The following DRD2 variants were observed in gnomAD, a reference collection of about 807,000 sequenced individuals.
DRD2 encodes the protein D(2) dopamine receptor.
Under a neutral mutation model 38.0 loss-of-function variants are expected in DRD2, and 8 were observed. The observed-to-expected ratio is 0.21, with a 90% CI of 0.12 to 0.38. The LOEUF (loss-of-function observed/expected upper bound fraction) is 0.38, where lower values mean the gene tolerates loss of function less well. Among genes scored for constraint, DRD2 ranks in the 10% least tolerant of loss-of-function variants. The pLI, the probability that DRD2 is intolerant of heterozygous loss-of-function variation, is 1.00. For missense variants in DRD2, 403 were observed against 607.7 expected (o/e 0.66, Z 3.54); for synonymous variants, 230 against 238.6 (o/e 0.96, Z 0.33).
intron 2 of DRD2, among the ~76,000 whole-genome samples, chr11:113,419,446 G>GCGCA (rs1555165137): frequency 7.5e-6 from 1 of 133,304 alleles, no homozygotes; most frequent in Non-Finnish European, 1.5e-5. Context: ...ATGCACACAG[G>GCGCA]CACACACACA....
chr11:113,418,722 G>C (rs1950852278), intron 2 of DRD2, among the ~76,000 whole-genome samples: 2 of 152,138 alleles, frequency 1.3e-5, no homozygotes, highest in African/African-American at 2.4e-5. Flanking sequence ...AGGTACCAGA[G>C]AGACAACTAG....
chr11:113,471,994 C>G lies in DRD2; in HGVS notation c.-32+3082G>C, dbSNP rs74640347. On this transcript the variant is annotated intron_variant, in intron 1 of 7. Transcript: ENST00000362072. ...GACTTAGGGTTCTGGCATTATAAAA[C>G]CTCAACTTGATTCTTCTCTCTTCCT... 6.5e-3 allele frequency among the ~76,000 whole-genome samples: 984 copies of G among 152,276 alleles called. 8 individuals are homozygous for G. The highest frequency in any genetic ancestry group is 0.023 in the African/African-American group (946 of 41,544).
intron 1 of DRD2, among the ~76,000 whole-genome samples, chr11:113,440,376 TC>T (rs1565670829): frequency 6.6e-6 from 1 of 152,194 alleles, no homozygotes; most frequent in African/African-American, 2.4e-5. Context: ...CAAAGATGAT[TC>T]CCCCCAGACT....
chr11:113,415,312 G>A, intron 5 of DRD2, 109 bp downstream of exon 5: 1 of 1,409,630 alleles, frequency 7.1e-7, no homozygotes, highest in Non-Finnish European at 9.6e-7. Flanking sequence ...CTTTAGCCTA[G>A]ACCTAACCCT....
At chr11:113,414,086 A>C in intron 6 of DRD2, 1 of 455,100 alleles carries the variant, frequency 2.2e-6, no homozygotes, top group Non-Finnish European at 4.1e-6. Context: ...TGATGAGATA[A>C]TAGGGATATG....
At chr11:113,441,660 A>G (rs1027965230) in intron 1 of DRD2, among the ~76,000 whole-genome samples, 2 of 152,174 alleles carry the variant, frequency 1.3e-5, no homozygotes, top group African/African-American at 4.8e-5. Context: ...AGCCCGGCTC[A>G]TGAGGAATGG....
intron 1 of DRD2, among the ~76,000 whole-genome samples, chr11:113,431,241 C>A (rs947958461): frequency 6.6e-6 from 1 of 152,234 alleles, no homozygotes; most frequent in Non-Finnish European, 1.5e-5. Flanking sequence ...GATGAACAAT[C>A]TAATCCTGTA....
intron 1 of DRD2, among the ~76,000 whole-genome samples, chr11:113,445,301 A>G (rs966901491): frequency 1.3e-5 from 2 of 152,212 alleles, no homozygotes; most frequent in Non-Finnish European, 2.9e-5. Flanking sequence ...TATTGAGCCA[A>G]TGTTATTTTC....
intron 1 of DRD2, among the ~76,000 whole-genome samples, chr11:113,432,045 G>T (rs1446971585): frequency 2.0e-5 from 3 of 152,196 alleles, no homozygotes. Flanking sequence ...CCCCAAAACT[G>T]GCAGGCGCCC....
intron 3 of DRD2, among the ~76,000 whole-genome samples, chr11:113,417,278 G>A (rs756709561): frequency 2.0e-5 from 3 of 152,148 alleles, no homozygotes; most frequent in African/African-American, 7.2e-5. Context: ...CAGGCTTTTC[G>A]AAGAACCATG....
intron 2 of DRD2, among the ~76,000 whole-genome samples, chr11:113,423,052 G>A (rs2138177274): frequency 6.6e-6 from 1 of 152,156 alleles, no homozygotes; most frequent in South Asian, 2.1e-4. Flanking sequence ...CTTGAGTCCT[G>A]GACATGCCAT....
chr11:113,448,916 C>G (rs923529321), intron 1 of DRD2, among the ~76,000 whole-genome samples: 15 of 152,326 alleles, frequency 9.8e-5, no homozygotes, highest in African/African-American at 3.1e-4. Flanking sequence ...TACCTTTAGC[C>G]TGCCTTCCTG....
rs892573174 is a variant in DRD2 at position 113,424,665 on chromosome 11, C to T, written c.-14G>A. 6.2e-7 allele frequency: 1 copy of T among 1,613,828 alleles called. No homozygotes were observed. On this transcript the variant is annotated 5_prime_UTR_variant, in exon 2 of 8. An upstream open reading frame in the 5' UTR gains an earlier in-frame stop. Transcript: ENST00000362072. ...CAGTGGATCCATCAGGGCGGTGGAGCCACTGGGTGGCCAGGCTCTGGCCAG... is the reference window on the plus strand; with the variant it reads ...CAGTGGATCCATCAGGGCGGTGGAGTCACTGGGTGGCCAGGCTCTGGCCAG...
chr11:113,428,018 G>C (rs1184364719), intron 1 of DRD2, among the ~76,000 whole-genome samples: 2 of 152,158 alleles, frequency 1.3e-5, no homozygotes, highest in South Asian at 2.1e-4. Context: ...GCTAGCCATG[G>C]AGAGAGGCCT....
intron 1 of DRD2, among the ~76,000 whole-genome samples, chr11:113,448,754 G>A (rs1951180851): frequency 6.6e-6 from 1 of 152,170 alleles, no homozygotes; most frequent in African/African-American, 2.4e-5. Context: ...GGAAAGGATT[G>A]GTAAGGAGCT....
chr11:113,442,733 A>G (rs183646196), intron 1 of DRD2, among the ~76,000 whole-genome samples: 1 of 152,296 alleles, frequency 6.6e-6, no homozygotes, highest in African/African-American at 2.4e-5. Flanking sequence ...GCAGCCCAGG[A>G]AGCGCTAATC....
chr11:113,437,709 G>C (rs1359403600), intron 1 of DRD2, among the ~76,000 whole-genome samples: 1 of 152,148 alleles, frequency 6.6e-6, no homozygotes, highest in Non-Finnish European at 1.5e-5. Flanking sequence ...CGAGGAGTGT[G>C]GGCAAGAGCT....
chr11:113,424,946 T>C, intron 1 of DRD2: 1 of 477,018 alleles, frequency 2.1e-6, no homozygotes, highest in Non-Finnish European at 3.8e-6. Flanking sequence ...CCATCATTTA[T>C]TTATTCATTC....
chr11:113,432,307 TCTCTC>T (rs1950994920), intron 1 of DRD2, among the ~76,000 whole-genome samples: 2 of 151,552 alleles, frequency 1.3e-5, no homozygotes, highest in Non-Finnish European at 2.9e-5. Flanking sequence ...TCTCTCTCTC[TCTCTC>T]TCTCTCTCTC....
Sources: allele counts gnomAD v4.1 joint callset (sites outside exome capture counted in the v4.1 genomes callset), GRCh38; gene constraint gnomAD v4.1.1; transcripts MANE v1.5; gene names NCBI Gene and HGNC (gene_info 2026-07-23, HGNC 2026-07-21).